HAT1: variants seen among roughly 807,000 people sequenced by gnomAD.
HAT1 encodes histone acetyltransferase type B catalytic subunit.
HAT1 carries 20 observed loss-of-function variants against 56.6 expected under a neutral mutation model. The observed-to-expected ratio is 0.35, with a 90% CI of 0.25 to 0.51. The LOEUF is 0.51. Ranked by LOEUF, HAT1 falls within the 20% of genes least tolerant of loss-of-function variation. HAT1 has a pLI of 0.95. For missense variants in HAT1, 408 were observed against 504.3 expected (o/e 0.81, Z 1.83); for synonymous variants, 146 against 165.5 (o/e 0.88, Z 0.91).
intron 4 of HAT1, among the ~76,000 whole-genome samples, chr2:171,957,556 T>A (rs1215229210): frequency 6.6e-6 from 1 of 152,216 alleles, no homozygotes; most frequent in African/African-American, 2.4e-5. Flanking sequence ...TTGAACTGAC[T>A]ATATCTAGAT....
At chr2:171,954,888 G>A (rs1461880934) in intron 4 of HAT1, among the ~76,000 whole-genome samples, 2 of 152,130 alleles carry the variant, frequency 1.3e-5, no homozygotes, top group Non-Finnish European at 2.9e-5. Flanking sequence ...CTAATGAGAG[G>A]GAGACAGAAG....
At position 171,966,957 on chromosome 2, in the gene HAT1, A is replaced by C; in HGVS notation, c.823+8A>C. The C allele has an allele frequency of 8.5e-7, 1 of 1,180,816 alleles. No homozygotes were observed. The highest frequency in any genetic ancestry group is 1.2e-6 in the Non-Finnish European group (1 of 802,470). The allele number at this position is 1,180,816 out of a possible 1,614,324, so 73.1% of individuals were successfully genotyped here. Reference sequence around the variant, plus strand: ...CAGTTCTTGATATTACAGGTATGTAAAATTTGATTTGTTACTGAAAGAGCC... The same window carrying C: ...CAGTTCTTGATATTACAGGTATGTACAATTTGATTTGTTACTGAAAGAGCC... On this transcript the variant is annotated splice_region_variant and intron_variant, in intron 8 of 10. Transcript: ENST00000264108.
At position 171,933,205 on chromosome 2, in the gene HAT1, C is replaced by T. The variant is rs577339462; in HGVS notation, c.112+7564C>T. Among the ~76,000 whole-genome samples, 15 of 152,108 alleles carry T rather than the reference C, an allele frequency of 9.9e-5. No homozygotes were observed. In the East Asian group the frequency reaches 2.7e-3, roughly 28 times the overall value. On this transcript the variant is annotated intron_variant, in intron 2 of 10. Transcript: ENST00000264108. Reference sequence around the variant, plus strand: ...CTGAGTAGCTGGGACTACAGGTGTACACCACCACACTTAGCTAACTTTTGT... The same window carrying T: ...CTGAGTAGCTGGGACTACAGGTGTATACCACCACACTTAGCTAACTTTTGT...
chr2:171,938,047 T>G (rs1686918394), intron 2 of HAT1, among the ~76,000 whole-genome samples: 1 of 149,468 alleles, frequency 6.7e-6, no homozygotes, highest in South Asian at 2.1e-4. Flanking sequence ...TCTCTCTCTC[T>G]CTCTCTCTCT....
At chr2:171,956,692 G>A (rs4280427) in intron 4 of HAT1, among the ~76,000 whole-genome samples, 64,555 of 151,782 alleles carry the variant, frequency 0.43, 15,297 homozygotes, top group Middle Eastern at 0.58. Context: ...CAATGAACTT[G>A]GATGTTTAGC....
At chr2:171,939,530 G>A (rs1327035835) in intron 2 of HAT1, among the ~76,000 whole-genome samples, 2 of 152,228 alleles carry the variant, frequency 1.3e-5, no homozygotes, top group Non-Finnish European at 2.9e-5. Flanking sequence ...TGGAGCGGCT[G>A]TTGTAACTCA....
chr2:171,945,830 C>A (rs896246737), intron 2 of HAT1, among the ~76,000 whole-genome samples: 1 of 152,002 alleles, frequency 6.6e-6, no homozygotes, highest in Non-Finnish European at 1.5e-5. Context: ...CCACCATGCC[C>A]GGCTAATTTT....
At chr2:171,938,024 T>TTCTCATTCTC (rs1482378377) in intron 2 of HAT1, among the ~76,000 whole-genome samples, 7 of 104,800 alleles carry the variant, frequency 6.7e-5, no homozygotes, top group Non-Finnish European at 1.3e-4. Context: ...TGTCTACTGA[T>TTCTCATTCTC]TCTCTCTCTC....
At chr2:171,933,753 G>T (rs1686800456) in intron 2 of HAT1, among the ~76,000 whole-genome samples, 1 of 152,056 alleles carries the variant, frequency 6.6e-6, no homozygotes, top group African/African-American at 2.4e-5. Context: ...TTCTGTCAAG[G>T]TCAGACAATA....
chr2:171,950,474 C>T (rs1687281202), intron 3 of HAT1, among the ~76,000 whole-genome samples: 1 of 150,996 alleles, frequency 6.6e-6, no homozygotes. Flanking sequence ...AGCCACTGTA[C>T]CCAGCCATAT....
At chr2:171,939,118 A>T (rs1236679138) in intron 2 of HAT1, among the ~76,000 whole-genome samples, 1 of 152,082 alleles carries the variant, frequency 6.6e-6, no homozygotes, top group Admixed American at 6.6e-5. Context: ...AAGTCGATTC[A>T]CCTGACTTAT....
intron 7 of HAT1, 116 bp downstream of exon 7, chr2:171,966,629 A>C (rs1407838680): frequency 7.4e-6 from 5 of 678,520 alleles, no homozygotes; most frequent in Non-Finnish European, 1.1e-5. Context: ...ACTATTATTC[A>C]TGGGCTATGT....
chr2:171,935,754 T>C (rs1212674799), intron 2 of HAT1, among the ~76,000 whole-genome samples: 1 of 151,894 alleles, frequency 6.6e-6, no homozygotes, highest in Non-Finnish European at 1.5e-5. Flanking sequence ...TGCGTGCTTG[T>C]GGTCCCAGCT....
At chr2:171,940,894 C>T (rs767531365) in intron 2 of HAT1, among the ~76,000 whole-genome samples, 1 of 152,092 alleles carries the variant, frequency 6.6e-6, no homozygotes, top group Non-Finnish European at 1.5e-5. Flanking sequence ...TGGGTCTTTC[C>T]CCTTTTTCAA....
chr2:171,978,466 C>T (rs1014618964), intron 9 of HAT1, among the ~76,000 whole-genome samples: 2 of 152,192 alleles, frequency 1.3e-5, no homozygotes, highest in Non-Finnish European at 2.9e-5. Flanking sequence ...TACCTATATA[C>T]TGACATTGCT....
chr2:171,976,595 G>C (rs1425707040), intron 9 of HAT1, among the ~76,000 whole-genome samples: 1 of 152,130 alleles, frequency 6.6e-6, no homozygotes, highest in Admixed American at 6.5e-5. Flanking sequence ...AGGAAAGATG[G>C]ATAATAGGAT....
intron 8 of HAT1, among the ~76,000 whole-genome samples, chr2:171,972,859 C>G (rs563620132): frequency 1.3e-5 from 2 of 152,340 alleles, no homozygotes; most frequent in East Asian, 3.9e-4. Flanking sequence ...CCTGCTCTGT[C>G]TCCCCAGCTA....
chr2:171,975,787 C>T (rs530595412), intron 8 of HAT1, among the ~76,000 whole-genome samples: 231 of 151,738 alleles, frequency 1.5e-3, no homozygotes, highest in African/African-American at 5.4e-3. Context: ...GTCAATTCAT[C>T]GATCATTTCA....
At chr2:171,978,581 C>T (rs1400601544) in intron 9 of HAT1, among the ~76,000 whole-genome samples, 3 of 142,574 alleles carry the variant, frequency 2.1e-5, no homozygotes, top group African/African-American at 8.2e-5. Flanking sequence ...ATCCTTCTCT[C>T]AGTTTTTCCT....
Sources: allele counts gnomAD v4.1 joint callset (sites outside exome capture counted in the v4.1 genomes callset), GRCh38; gene constraint gnomAD v4.1.1; transcripts MANE v1.5; gene names NCBI Gene and HGNC (gene_info 2026-07-23, HGNC 2026-07-21).